MTOR: variants seen among roughly 807,000 people sequenced by gnomAD.
MTOR encodes the protein serine/threonine-protein kinase mTOR.
MTOR carries 70 observed loss-of-function variants against 319.8 expected under a neutral mutation model. That is an observed-to-expected ratio of 0.22 (90% CI 0.18 to 0.27). MTOR has a LOEUF of 0.27. Among genes scored for constraint, MTOR ranks in the 10% least tolerant of loss-of-function variants. The pLI is 1.00. For missense variants in MTOR, 1,890 were observed against 3,274.4 expected, an observed-to-expected ratio of 0.58 and a Z score of 10.32; for synonymous variants, 1,183 against 1,211.4, an observed-to-expected ratio of 0.98 and a Z score of 0.49.
At chr1:11,190,058 G>A (rs1337060900) in intron 28 of MTOR, 19 of 1,380,928 alleles carry the variant, frequency 1.4e-5, no homozygotes, top group Non-Finnish European at 1.9e-5. Flanking sequence ...CCTCTTTTGT[G>A]GGTACACTTT....
At chr1:11,132,951 CCAGGGACTCAAGGAGTAAGTT>C (rs1643230638) in intron 38 of MTOR, 108 bp downstream of exon 38, 1 of 745,648 alleles carries the variant, frequency 1.3e-6, no homozygotes. Flanking sequence ...TAGATAGGCT[CCAGGGACTCAAGGAGTAAGTT>C]CACAGCATCA....
intron 51 of MTOR, 112 bp from the exon 52 acceptor site, chr1:11,114,999 G>T: frequency 1.2e-6 from 1 of 861,944 alleles, no homozygotes. Flanking sequence ...AATTATAGCA[G>T]GGAAAGGAAG....
chr1:11,190,937 T>C (rs868082523), intron 28 of MTOR, among the ~76,000 whole-genome samples: 6 of 152,198 alleles, frequency 3.9e-5, no homozygotes, highest in African/African-American at 1.4e-4. Flanking sequence ...AGCTTGAAAA[T>C]TCTGTTACCT....
chr1:11,158,930 G>A (rs1046564841), intron 29 of MTOR, among the ~76,000 whole-genome samples: 1 of 152,142 alleles, frequency 6.6e-6, no homozygotes, highest in African/African-American at 2.4e-5. Context: ...GAAAGCACAG[G>A]CTCTGCCAAG....
At position 11,126,640 on chromosome 1, in the gene MTOR, G is replaced by A. The variant is rs780210598; in HGVS notation, c.6508C>T (p.Arg2170Trp). Residue 2170 changes from arginine (R) to tryptophan (W), a missense_variant, in exon 46 of 58, where the codon CGG becomes TGG. Physicochemically the swap from Arg to Trp is moderately radical, Grantham distance 101 (BLOSUM62 -3). Around this residue, in one of 15 missense-constraint regions of MTOR, gnomAD observed 249 missense variants for 596.2 expected, o/e 0.42. Coordinates refer to ENST00000361445, the MANE Select transcript of MTOR (RefSeq NM_004958.4). ...TCCTTACCCATAAGTGTCAATTTCC[G>A]GGGCCTCTGCTTGGATGTGATGACT... ...LQVITSKQRP[R>W]KLTLMGSNGH... The A allele has an allele frequency of 1.9e-6, 3 of 1,613,918 alleles. No individual in the cohort carries two copies. The highest frequency in any genetic ancestry group is 1.7e-6 in the Non-Finnish European group (2 of 1,179,972).
intron 1 of MTOR, among the ~76,000 whole-genome samples, chr1:11,261,344 C>T (rs1407983330): frequency 1.3e-5 from 2 of 150,334 alleles, no homozygotes; most frequent in African/African-American, 4.9e-5. Context: ...TGGTGGCGGG[C>T]GCCTGTAGTC....
chr1:11,256,787 G>T (rs754290981), intron 4 of MTOR, 146 bp downstream of exon 4: 6 of 732,222 alleles, frequency 8.2e-6, no homozygotes, highest in Non-Finnish European at 1.1e-5. Flanking sequence ...CCCTCTTAAG[G>T]ACGGACTCTA....
intron 54 of MTOR, among the ~76,000 whole-genome samples, chr1:11,110,481 C>A (rs1383851559): frequency 6.6e-6 from 1 of 152,038 alleles, no homozygotes; most frequent in Non-Finnish European, 1.5e-5. Flanking sequence ...CGGCTCACTG[C>A]AACCTCTGCC....
intron 28 of MTOR, among the ~76,000 whole-genome samples, chr1:11,182,298 A>G (rs1434637016): frequency 6.6e-6 from 1 of 152,180 alleles, no homozygotes; most frequent in Non-Finnish European, 1.5e-5. Context: ...TTAGAGAAAA[A>G]CATGGGGATT....
intron 6 of MTOR, among the ~76,000 whole-genome samples, chr1:11,249,631 T>C (rs1490725494): frequency 7.4e-6 from 1 of 135,752 alleles, no homozygotes; most frequent in Non-Finnish European, 1.6e-5. Flanking sequence ...TTAATGAGCA[T>C]GCTGCCTTCA....
At chr1:11,146,555 C>A in intron 32 of MTOR, 121 bp downstream of exon 32, 1 of 727,320 alleles carries the variant, frequency 1.4e-6, no homozygotes, top group Non-Finnish European at 2.4e-6. Context: ...TTCAAATGTA[C>A]TCACAGAGCC....
At chr1:11,208,205 TAA>T (rs1646200918) in intron 25 of MTOR, among the ~76,000 whole-genome samples, 1 of 152,250 alleles carries the variant, frequency 6.6e-6, no homozygotes, top group South Asian at 2.1e-4. Flanking sequence ...TTCTTCCTCC[TAA>T]AGTCTCAGAG....
In MTOR at chr1:11,126,752, C is replaced by T. The variant is rs1340469250; in HGVS notation, c.6396G>A (p.Met2132Ile). 6.2e-7 allele frequency: 1 copy of T among 1,614,086 alleles called. No individual in the cohort carries two copies. The highest frequency in any genetic ancestry group is 8.5e-7 in the Non-Finnish European group (1 of 1,180,026). Residue 2132 changes from methionine (M) to isoleucine (I), a missense_variant, in exon 46 of 58, where the codon ATG (methionine) becomes ATA (isoleucine). Transcript: ENST00000361445. ...ELQYVSPKLLMCRDLELAVPG... is the reference protein window; with the variant it reads ...ELQYVSPKLLICRDLELAVPG... The stretch of plus-strand genomic sequence containing the variant: ...GCACAGCCAATTCAAGGTCCCGGCA[C>T]ATCAGAAGTTTTGGGGAAACATATT...
At position 11,127,792 on chromosome 1, in the gene MTOR, C is replaced by A; in HGVS notation, c.6048G>T (p.Leu2016=). The A allele has an allele frequency of 6.2e-7, 1 of 1,612,428 alleles. No homozygotes were observed. The highest frequency in any genetic ancestry group is 1.1e-5 in the South Asian group (1 of 90,784). ...VQQAMMVSEE[L]IRVAILWHEM... is the part of the protein sequence containing the mutation. ...CATGCCAGAGGATGGCCACTCGGAT[C>A]AGCTCCTCGCTCACCTGAAGCCAAG... Residue 2016 remains leucine (L), a synonymous_variant, in exon 44 of 58, where the codon CTG becomes CTT. Transcript: ENST00000361445. This position sits in a 1 kb window ranked among gnomAD's most constrained non-coding sequence, Gnocchi z 5.5.
At chr1:11,192,432 TACA>T in intron 28 of MTOR, 1 of 1,362,452 alleles carries the variant, frequency 7.3e-7, no homozygotes. Flanking sequence ...TCAAGGGGAC[TACA>T]ACAACAGGGC....
At chr1:11,142,665 G>A (rs1001062962) in intron 34 of MTOR, among the ~76,000 whole-genome samples, 1 of 152,080 alleles carries the variant, frequency 6.6e-6, no homozygotes, top group Non-Finnish European at 1.5e-5. Flanking sequence ...GAGATCTACT[G>A]CTTCATGGTA....
chr1:11,107,590 C>G (rs1013021861), intron 57 of MTOR, 90 bp from the exon 58 acceptor site: 36 of 1,404,698 alleles, frequency 2.6e-5, no homozygotes, highest in Non-Finnish European at 3.5e-5. Flanking sequence ...AGGCCAAGGT[C>G]TGACAACCCT....
chr1:11,164,093 C>T (rs995587539), intron 29 of MTOR, among the ~76,000 whole-genome samples: 2 of 151,814 alleles, frequency 1.3e-5, no homozygotes, highest in African/African-American at 4.8e-5. Context: ...GCCTGTAATC[C>T]CAGCACTTTG....
intron 54 of MTOR, among the ~76,000 whole-genome samples, chr1:11,110,747 G>C (rs958856574): frequency 6.6e-6 from 1 of 151,622 alleles, no homozygotes; most frequent in African/African-American, 2.4e-5. Flanking sequence ...TTTTGAGACA[G>C]GGTCTTGCTG....
Sources: allele counts gnomAD v4.1 joint callset (sites outside exome capture counted in the v4.1 genomes callset), GRCh38; gene constraint gnomAD v4.1.1; regional missense constraint gnomAD v4.1.1; non-coding constraint Gnocchi (gnomAD v3.1); transcripts MANE v1.5; gene names NCBI Gene and HGNC (gene_info 2026-07-23, HGNC 2026-07-21).